The following UTP25 variants were observed in gnomAD, a reference collection of about 807,000 sequenced individuals.
UTP25 encodes U3 small nucleolar RNA-associated protein 25 homolog.
Under a neutral mutation model 78.9 loss-of-function variants are expected in UTP25, and 50 were observed. The ratio of observed to expected loss-of-function variants is 0.63; its 90% confidence interval spans 0.50 to 0.80. The LOEUF (loss-of-function observed/expected upper bound fraction) is 0.80, where lower values mean the gene tolerates loss of function less well. UTP25 is among the 30% of genes least tolerant of loss of function. The pLI, the probability that UTP25 is intolerant of heterozygous loss-of-function variation, is 0.00. For missense variants in UTP25, 846 were observed against 911.3 expected (o/e 0.93, Z 0.92); for synonymous variants, 329 against 336.5 (o/e 0.98, Z 0.24).
chr1:209,850,071 C>T (rs1292025085), intron 11 of UTP25, among the ~76,000 whole-genome samples: 1 of 152,200 alleles, frequency 6.6e-6, no homozygotes, highest in Non-Finnish European at 1.5e-5. Context: ...CCACCTAATT[C>T]AGGTTACCTG....
intron 1 of UTP25, 114 bp downstream of exon 1, chr1:209,828,284 G>A (rs1372877937): frequency 1.3e-6 from 1 of 775,832 alleles, no homozygotes; most frequent in Non-Finnish European, 2.1e-6. Context: ...CCTGGCTCCC[G>A]CTGTGCTCGG....
Position 209,851,833 on chromosome 1 carries a change from T to C in UTP25, c.*386T>C, listed in dbSNP as rs1208828123. ...ACTTCCTTAAAGTAAGGAATACACATTGCTTGCGAGAACTGGTTATGAGAC... is the reference window on the plus strand; with the variant it reads ...ACTTCCTTAAAGTAAGGAATACACACTGCTTGCGAGAACTGGTTATGAGAC... On this transcript the variant is annotated 3_prime_UTR_variant, in exon 12 of 12. Transcript: ENST00000491415. 2 of 163,940 alleles carry C rather than the reference T, an allele frequency of 1.2e-5. No individual in the cohort carries two copies. Among genetic ancestry groups the C allele is most frequent in the African/African-American group, 4.8e-5 (2 of 41,684 alleles). The allele number at this position is 163,940 out of a possible 1,614,324, so 10.2% of individuals were successfully genotyped here.
Position 209,833,321 on chromosome 1 carries a change from G to A in UTP25, c.525G>A (p.Glu175=). Residue 175 remains glutamate (E), a synonymous_variant, in exon 4 of 12, where the codon GAG becomes GAA. Transcript: ENST00000491415. ...GCCTGGAAACCAATTTTCTGGAAGA[G>A]GAAAGTGGAGACAACTCTTCTTTGA... The part of the protein sequence containing the change: ...LFSLETNFLE[E]ESGDNSSLKA... 1 of 1,590,380 alleles carries A rather than the reference G, an allele frequency of 6.3e-7. No homozygotes were observed. Among genetic ancestry groups the A allele is most frequent in the Non-Finnish European group, 8.5e-7 (1 of 1,171,162 alleles).
In UTP25 at chr1:209,857,175, A is replaced by T. The variant is rs563657760; in HGVS notation, c.*5728A>T. On this transcript the variant is annotated 3_prime_UTR_variant, in exon 12 of 12. Coordinates refer to ENST00000491415, the MANE Select transcript of UTP25 (RefSeq NM_014388.7). Reference sequence around the variant, plus strand: ...ATTGTGGCTTTTCTAATCATCTCTGATTGTTAGAAACACTGTGAAACTTTT... The same window carrying T: ...ATTGTGGCTTTTCTAATCATCTCTGTTTGTTAGAAACACTGTGAAACTTTT... 10 of 152,050 alleles carry T rather than the reference A, an allele frequency of 6.6e-5. No homozygotes were observed. The highest frequency in any genetic ancestry group is 2.4e-4 in the African/African-American group (10 of 41,468). 9.4% of individuals were successfully genotyped at this position (152,050 alleles called of 1,614,324 possible).
In UTP25 at chr1:209,839,143, T is replaced by C. The variant is rs756816767; in HGVS notation, c.1282+15T>C. 2.5e-6 allele frequency: 4 copies of C among 1,592,090 alleles called. No homozygotes were observed. The highest frequency in any genetic ancestry group is 2.3e-5 in the South Asian group (2 of 88,414). On this transcript the variant is annotated intron_variant, in intron 7 of 11. Coordinates refer to ENST00000491415, the MANE Select transcript of UTP25 (RefSeq NM_014388.7). ...CTTCAGGATTGGTAATTCTTCCTTA[T>C]CAACTTTGAGACCTAAAGTGTGAAG...
At chr1:209,828,401 A>ATTTTTTT (rs71571917) in intron 1 of UTP25, among the ~76,000 whole-genome samples, 1 of 136,402 alleles carries the variant, frequency 7.3e-6, no homozygotes, top group Non-Finnish European at 1.5e-5. Flanking sequence ...GTGGGGGAGG[A>ATTTTTTT]TTTTTTTTTT....
rs753775885 is a variant in UTP25 at position 209,840,955 on chromosome 1, A to G, written c.1385A>G (p.Glu462Gly). Residue 462 changes from glutamate to glycine, a missense_variant, in exon 8 of 12, where the codon GAA (glutamate) becomes GGA (glycine). Coordinates refer to ENST00000491415, the MANE Select transcript of UTP25 (RefSeq NM_014388.7). ...GGCTTGAGGACCATCATTGGTGGAG[A>G]AGGAGAGAAGAAGAGAGATTTTGAC... The part of the protein sequence containing the change: ...PLGLRTIIGG[E>G]GEKKRDFDFL... The G allele has an allele frequency of 1.2e-6, 2 of 1,614,066 alleles. No homozygotes were observed. Among genetic ancestry groups the G allele is most frequent in the East Asian group, 4.5e-5 (2 of 44,878 alleles).
chr1:209,836,428 G>A (rs1289525261), intron 5 of UTP25, among the ~76,000 whole-genome samples: 1 of 152,202 alleles, frequency 6.6e-6, no homozygotes, highest in African/African-American at 2.4e-5. Flanking sequence ...GTTTTGTGAT[G>A]TTTATCAAGG....
Position 209,830,921 on chromosome 1 carries a change from A to T in UTP25, c.266A>T (p.Asp89Val), listed in dbSNP as rs1468435748. ...AATGTTTCTGAGGAAGAAGAGGAAG[A>T]TGAGGAGGAGGAAGAGGAAGAAGAC... The part of the protein sequence containing the change: ...LKNVSEEEEE[D>V]EEEEEEEDSI... Residue 89 changes from aspartate (D) to valine (V), a missense_variant, in exon 3 of 12, where the codon GAT becomes GTT. By Grantham distance (152) the Asp-to-Val change is radical (BLOSUM62 -3). Transcript: ENST00000491415. 1 of 1,613,926 alleles carries T rather than the reference A, an allele frequency of 6.2e-7. No homozygotes were observed. The highest frequency in any genetic ancestry group is 8.5e-7 in the Non-Finnish European group (1 of 1,179,770).
Position 209,837,016 on chromosome 1 carries a change from C to T in UTP25, c.867C>T (p.Tyr289=). 2 of 1,614,166 alleles carry T rather than the reference C, an allele frequency of 1.2e-6. No individual in the cohort carries two copies. The highest frequency in any genetic ancestry group is 1.7e-6 in the Non-Finnish European group (2 of 1,180,022). Residue 289 remains tyrosine (Y), a synonymous_variant, in exon 6 of 12, where the codon TAC becomes TAT. Coordinates refer to ENST00000491415, the MANE Select transcript of UTP25 (RefSeq NM_014388.7). ...AACTCTTCTTAATTATGAATTCTTA[C>T]CGGGACCTGTTCTACCCGGAAAGGA... ...QKELFLIMNS[Y]RDLFYPERTA...
chr1:209,847,046 T>A (rs1021872395), intron 11 of UTP25, among the ~76,000 whole-genome samples: 13 of 152,230 alleles, frequency 8.5e-5, no homozygotes, highest in African/African-American at 2.9e-4. Flanking sequence ...CGTGTTTTTT[T>A]AAAAAACAAT....
At chr1:209,847,603 G>A (rs919311221) in intron 11 of UTP25, among the ~76,000 whole-genome samples, 42 of 152,194 alleles carry the variant, frequency 2.8e-4, no homozygotes, top group Non-Finnish European at 7.3e-5. Flanking sequence ...TCACCAAAAT[G>A]ACCATTATAG....
intron 6 of UTP25, 108 bp downstream of exon 6, chr1:209,837,319 T>A: frequency 7.7e-7 from 1 of 1,299,964 alleles, no homozygotes; most frequent in Non-Finnish European, 1.0e-6. Flanking sequence ...TTGACTGGCA[T>A]AATGAATGAG....
At chr1:209,837,347 T>A in intron 6 of UTP25, 136 bp downstream of exon 6, 1 of 1,028,318 alleles carries the variant, frequency 9.7e-7, no homozygotes, top group Non-Finnish European at 1.4e-6. Context: ...GTGAGCATAT[T>A]AAGTAGGCCA....
Position 209,853,086 on chromosome 1 carries a change from A to G in UTP25, c.*1639A>G, listed in dbSNP as rs2078250168. ...AGTTTTGAAGTAATATTTCTGCTAA[A>G]TATTTAGACATTTTTACTTCTTTTT... On this transcript the variant is annotated 3_prime_UTR_variant, in exon 12 of 12. Coordinates refer to ENST00000491415, the MANE Select transcript of UTP25 (RefSeq NM_014388.7). 6.6e-6 allele frequency: 1 copy of G among 152,200 alleles called. No individual in the cohort carries two copies. Among genetic ancestry groups the G allele is most frequent in the Non-Finnish European group, 1.5e-5 (1 of 68,040 alleles). The allele number at this position is 152,200 out of a possible 1,614,324, so 9.4% of individuals were successfully genotyped here.
chr1:209,837,341 G>A lies in UTP25; in HGVS notation c.1062+130G>A, dbSNP rs2078139447. On this transcript the variant is annotated intron_variant, in intron 6 of 11. Transcript: ENST00000491415. Reference sequence around the variant, plus strand: ...GCATAATGAATGAGCCCAAATGTGAGCATATTAAGTAGGCCAGGTAGTGTC... The same window carrying A: ...GCATAATGAATGAGCCCAAATGTGAACATATTAAGTAGGCCAGGTAGTGTC... 10 of 1,100,498 alleles carry A rather than the reference G, an allele frequency of 9.1e-6. No individual in the cohort carries two copies. In the South Asian group the frequency reaches 1.5e-4, roughly 16 times the overall value. 68.2% of individuals were successfully genotyped at this position (1,100,498 alleles called of 1,614,324 possible). A position where few individuals can be genotyped will look rare whatever the true frequency, so the allele number is the denominator to read the frequency against.
chr1:209,848,929 T>C (rs187759031), intron 11 of UTP25, among the ~76,000 whole-genome samples: 14 of 152,280 alleles, frequency 9.2e-5, no homozygotes, highest in Admixed American at 4.6e-4. Flanking sequence ...TGTAGATACC[T>C]TCCCAACACC....
At chr1:209,840,352 A>G (rs867261930) in intron 7 of UTP25, among the ~76,000 whole-genome samples, 1 of 152,238 alleles carries the variant, frequency 6.6e-6, no homozygotes, top group African/African-American at 2.4e-5. Context: ...GACAAGGGCC[A>G]GGTCAGTGAT....
intron 7 of UTP25, among the ~76,000 whole-genome samples, chr1:209,839,362 T>C (rs1286170340): frequency 1.3e-5 from 2 of 152,202 alleles, no homozygotes; most frequent in African/African-American, 4.8e-5. Flanking sequence ...AAGGCACATG[T>C]ACATTTATAA....
Sources: gnomAD v4.1 joint callset for allele counts (sites outside exome capture counted in the v4.1 genomes callset) on GRCh38, gnomAD v4.1.1 for gene constraint, MANE v1.5 for transcripts, NCBI Gene and HGNC (gene_info 2026-07-23, HGNC 2026-07-21) for gene names.